The following COQ8A variants were observed in gnomAD, a reference collection of about 807,000 sequenced individuals.
COQ8A encodes the protein coenzyme Q8A.
Under a neutral mutation model 65.0 loss-of-function variants are expected in COQ8A, and 51 were observed. The ratio of observed to expected loss-of-function variants is 0.78; its 90% CI spans 0.63 to 0.99. COQ8A has a LOEUF of 0.99. Among genes scored for constraint, COQ8A ranks in the 50% least tolerant of loss-of-function variants. The pLI, the probability that COQ8A is intolerant of heterozygous loss-of-function variation, is 0.00. For synonymous variants in COQ8A, 371 were observed against 353.2 expected, an observed-to-expected ratio of 1.05 and a Z score of -0.57; for missense variants, 940 against 875.0, an observed-to-expected ratio of 1.07 and a Z score of -0.94.
intron 4 of COQ8A, among the ~76,000 whole-genome samples, chr1:226,973,627 G>T (rs969870615): frequency 2.0e-5 from 3 of 152,226 alleles, no homozygotes; most frequent in African/African-American, 4.8e-5. Context: ...GCCCCTTCCT[G>T]CCATGCTGGG....
At chr1:226,960,298 T>TTGG (rs1200244779) in intron 1 of COQ8A, among the ~76,000 whole-genome samples, 2 of 141,330 alleles carry the variant, frequency 1.4e-5, no homozygotes, top group African/African-American at 2.7e-5. Flanking sequence ...GTGGTGGTAC[T>TTGG]TGGTGGTGGT....
intron 4 of COQ8A, among the ~76,000 whole-genome samples, chr1:226,967,925 A>G (rs907723902): frequency 2.6e-5 from 4 of 152,264 alleles, no homozygotes; most frequent in African/African-American, 4.8e-5. Context: ...AAGCCAGGTC[A>G]GGAAAGAACG....
chr1:226,977,042 G>T (rs1326217436), intron 4 of COQ8A, among the ~76,000 whole-genome samples: 1 of 152,206 alleles, frequency 6.6e-6, no homozygotes, highest in Non-Finnish European at 1.5e-5. Flanking sequence ...GACCTGAAGC[G>T]GGTGGTTGTG....
chr1:226,983,253 C>G, intron 8 of COQ8A: 5 of 771,104 alleles, frequency 6.5e-6, no homozygotes, highest in Non-Finnish European at 1.0e-5. Context: ...GGGCCCCCAG[C>G]AAGCTTGATT....
intron 1 of COQ8A, among the ~76,000 whole-genome samples, chr1:226,945,060 C>T (rs1383418140): frequency 1.3e-5 from 2 of 152,144 alleles, no homozygotes; most frequent in African/African-American, 4.8e-5. Flanking sequence ...TCTTTCTAGA[C>T]CCCGTTACAT....
chr1:226,971,578 A>G (rs1658916188), intron 4 of COQ8A, among the ~76,000 whole-genome samples: 1 of 152,118 alleles, frequency 6.6e-6, no homozygotes, highest in African/African-American at 2.4e-5. Flanking sequence ...AAAAGAGAAT[A>G]TATCATCATA....
chr1:226,952,192 C>G (rs901705655), intron 1 of COQ8A, among the ~76,000 whole-genome samples: 1 of 152,118 alleles, frequency 6.6e-6, no homozygotes, highest in Non-Finnish European at 1.5e-5. Flanking sequence ...TTGGAGGTGC[C>G]ACTTTCCATC....
intron 1 of COQ8A, among the ~76,000 whole-genome samples, chr1:226,947,495 T>G (rs1446863571): frequency 6.6e-6 from 1 of 152,162 alleles, no homozygotes; most frequent in Non-Finnish European, 1.5e-5. Flanking sequence ...GAAGTAAAAG[T>G]GTTTTGAAAG....
rs1558198604 is a variant in COQ8A, at chr1:226,976,151, TGGGACTGCGATGTTGCCTGGCTGC to T, written c.656-1294_656-1271del. 1.1e-3 allele frequency among the ~76,000 whole-genome samples: 30 copies of T among 26,808 alleles called. 1 individual carries two copies. The highest frequency in any genetic ancestry group is 1.9e-3 in the Non-Finnish European group (19 of 9,892). The allele number at this position is 26,808 out of a possible 152,430, so 17.6% of individuals were successfully genotyped here. On this transcript the variant is annotated intron_variant, in intron 4 of 14. Coordinates refer to ENST00000366777, the MANE Select transcript of COQ8A (RefSeq NM_020247.5). ...GTGGGGCTGCGGGACTGCGGGGCTG[TGGGACTGCGATGTTGCCTGGCTGC>T]GGGGCTGCGGGACTGCGGGGCTGTG...
rs982082980 is a variant in COQ8A, at chr1:226,962,440, G to A, written c.177+878G>A. 3.9e-5 allele frequency among the ~76,000 whole-genome samples: 6 copies of A among 152,358 alleles called. No homozygotes were observed. The East Asian group carries it at 5.8e-4, about 15-fold the overall frequency. On this transcript the variant is annotated intron_variant, in intron 2 of 14. Coordinates refer to ENST00000366777, the MANE Select transcript of COQ8A (RefSeq NM_020247.5). ...ACAGCAGAGCACGGCCCACCATGGC[G>A]TCACCTTGCACAGTTGCCAGCAGCT...
intron 13 of COQ8A, 45 bp from the exon 14 acceptor site, chr1:226,985,201 CGGGAGCTG>C: frequency 6.3e-7 from 1 of 1,582,096 alleles, no homozygotes; most frequent in Non-Finnish European, 8.7e-7. Context: ...CCTGGGATGT[CGGGAGCTG>C]AGCTTTTCAT....
At chr1:226,968,815 C>G (rs1462933593) in intron 4 of COQ8A, among the ~76,000 whole-genome samples, 1 of 152,094 alleles carries the variant, frequency 6.6e-6, no homozygotes, top group East Asian at 1.9e-4. Context: ...GTCCTAAGTC[C>G]AATTTGGCTA....
intron 1 of COQ8A, among the ~76,000 whole-genome samples, chr1:226,952,984 A>G (rs1196204939): frequency 6.6e-6 from 1 of 152,070 alleles, no homozygotes; most frequent in African/African-American, 2.4e-5. Context: ...ATATAATAAT[A>G]CACTTTCTTA....
chr1:226,984,039 G>C (rs535772887), intron 10 of COQ8A, 55 bp from the exon 11 acceptor site: 31 of 1,521,286 alleles, frequency 2.0e-5, no homozygotes, highest in Middle Eastern at 3.6e-4. Context: ...GTGTGTGGGG[G>C]GGGGGACGGT....
intron 1 of COQ8A, among the ~76,000 whole-genome samples, chr1:226,947,786 C>A (rs1039743851): frequency 1.9e-4 from 25 of 134,732 alleles, no homozygotes; most frequent in Admixed American, 3.7e-4. Flanking sequence ...AACAGTAAGA[C>A]CCTGTCTCAA....
chr1:226,951,174 T>C (rs930823077), intron 1 of COQ8A, among the ~76,000 whole-genome samples: 1 of 152,192 alleles, frequency 6.6e-6, no homozygotes, highest in Non-Finnish European at 1.5e-5. Flanking sequence ...GACCACCCCC[T>C]GACCCCACAC....
chr1:226,970,562 G>A (rs952534063), intron 4 of COQ8A, among the ~76,000 whole-genome samples: 1 of 152,210 alleles, frequency 6.6e-6, no homozygotes, highest in Admixed American at 6.5e-5. Context: ...CATGATGCGT[G>A]ACCGTGCATG....
chr1:226,979,378 G>A (rs1463571744), intron 5 of COQ8A, among the ~76,000 whole-genome samples: 2 of 152,244 alleles, frequency 1.3e-5, no homozygotes, highest in African/African-American at 2.4e-5. Context: ...GGCACGGGGG[G>A]CGGGCCAGGT....
In COQ8A at chr1:226,955,295, G is replaced by T. The variant is rs377111730; in HGVS notation, c.-9-6082G>T. Reference sequence around the variant, plus strand: ...GCTTGCAGCAGACAGCTGCCCTGGGGAAGGCTTCTCAGCGTGGACTCTCCC... The same window carrying T: ...GCTTGCAGCAGACAGCTGCCCTGGGTAAGGCTTCTCAGCGTGGACTCTCCC... On this transcript the variant is annotated intron_variant, in intron 1 of 14. Coordinates refer to ENST00000366777, the MANE Select transcript of COQ8A (RefSeq NM_020247.5). Among the ~76,000 whole-genome samples the T allele has an allele frequency of 3.7e-4, 56 of 152,046 alleles. No homozygotes were observed. The South Asian group carries it at 4.6e-3, about 12-fold the overall frequency.
Sources: allele counts gnomAD v4.1 joint callset (sites outside exome capture counted in the v4.1 genomes callset), GRCh38; gene constraint gnomAD v4.1.1; transcripts MANE v1.5; gene names NCBI Gene and HGNC (gene_info 2026-07-23, HGNC 2026-07-21).